Variants in LMNTD1 observed in about 807,000 individuals in gnomAD.
The protein encoded by LMNTD1 is lamin tail domain-containing protein 1.
In LMNTD1, 35 loss-of-function variants were observed where a neutral mutation model predicts 50.9. The observed-to-expected ratio is 0.69, with a 90% CI of 0.53 to 0.91. The LOEUF (loss-of-function observed/expected upper bound fraction) is 0.91. Among genes scored for constraint, LMNTD1 ranks in the 40% least tolerant of loss-of-function variants. The pLI is 0.00. For synonymous variants in LMNTD1, 153 were observed against 161.9 expected (o/e 0.94, Z 0.42); for missense variants, 470 against 475.5 (o/e 0.99, Z 0.11).
chr12:25,618,388 G>A (rs928017537), intron 1 of LMNTD1, among the ~76,000 whole-genome samples: 41 of 152,294 alleles, frequency 2.7e-4, no homozygotes, highest in African/African-American at 9.6e-4. Context: ...ACTCACTCAG[G>A]TGAAAGAAAA....
chr12:25,543,557 T>G (rs982918210), intron 4 of LMNTD1, among the ~76,000 whole-genome samples: 10 of 152,040 alleles, frequency 6.6e-5, no homozygotes, highest in Admixed American at 2.6e-4. Context: ...TGTTTGTTGA[T>G]CTATATTTTT....
At chr12:25,476,881 A>G (rs1024546436) in intron 9 of LMNTD1, among the ~76,000 whole-genome samples, 2 of 152,214 alleles carry the variant, frequency 1.3e-5, no homozygotes, top group Non-Finnish European at 2.9e-5. Context: ...ATTTACAGAA[A>G]TAATTTTTTA....
chr12:25,615,760 C>T (rs1048933624), intron 1 of LMNTD1, among the ~76,000 whole-genome samples: 6 of 152,082 alleles, frequency 3.9e-5, no homozygotes, highest in African/African-American at 1.4e-4. Context: ...GGCGCCCAGC[C>T]TAGTGTCATA....
chr12:25,521,947 C>T (rs1319276720), intron 6 of LMNTD1, among the ~76,000 whole-genome samples: 1 of 152,206 alleles, frequency 6.6e-6, no homozygotes, highest in Non-Finnish European at 1.5e-5. Context: ...TGTATAGACA[C>T]TAACAGTTAT....
intron 4 of LMNTD1, among the ~76,000 whole-genome samples, chr12:25,534,412 G>A (rs1305573439): frequency 6.6e-6 from 1 of 152,182 alleles, no homozygotes; most frequent in Non-Finnish European, 1.5e-5. Context: ...GAAATGTAGT[G>A]AGACTTAAAA....
intron 4 of LMNTD1, among the ~76,000 whole-genome samples, chr12:25,529,725 A>G (rs1240490024): frequency 6.6e-6 from 1 of 152,118 alleles, no homozygotes; most frequent in East Asian, 1.9e-4. Context: ...TTGCTTCCAG[A>G]GCAATCTTTG....
At chr12:25,642,594 T>A (rs377161428) in intron 1 of LMNTD1, among the ~76,000 whole-genome samples, 11 of 152,368 alleles carry the variant, frequency 7.2e-5, no homozygotes, top group African/African-American at 2.6e-4. Context: ...TCTTTGGTCA[T>A]CTCTGCTTTA....
At chr12:25,513,352 AAAC>A (rs1940463173) in intron 8 of LMNTD1, among the ~76,000 whole-genome samples, 1 of 152,208 alleles carries the variant, frequency 6.6e-6, no homozygotes, top group African/African-American at 2.4e-5. Flanking sequence ...AGAGGGGAAA[AAAC>A]AACCCATGTG....
chr12:25,637,672 A>T (rs1946864087), intron 1 of LMNTD1, among the ~76,000 whole-genome samples: 2 of 152,138 alleles, frequency 1.3e-5, no homozygotes, highest in African/African-American at 4.8e-5. Context: ...AAGTCATATT[A>T]TATTCAATAT....
chr12:25,620,404 A>AAG (rs1946446102), intron 1 of LMNTD1, among the ~76,000 whole-genome samples: 1 of 152,016 alleles, frequency 6.6e-6, no homozygotes, highest in African/African-American at 2.4e-5. Context: ...AGTATTTTAA[A>AAG]TATATAATTT....
chr12:25,619,252 C>CTCTCTCTCTCTCTATATATATA (rs1374134268), intron 1 of LMNTD1, among the ~76,000 whole-genome samples: 3 of 84,446 alleles, frequency 3.6e-5, no homozygotes, highest in East Asian at 4.2e-4. Context: ...CTCTCTCTCT[C>CTCTCTCTCTCTCTATATATATA]TATATATATA....
chr12:25,537,421 C>T lies in LMNTD1; in HGVS notation c.491+8953G>A, dbSNP rs563807596. Reference sequence around the variant, plus strand: ...CTTAAGTGGGTCCCTGACCCCTGACCCCCAAGCAGCCTAACTGGGAGGCAC... The same window carrying T: ...CTTAAGTGGGTCCCTGACCCCTGACTCCCAAGCAGCCTAACTGGGAGGCAC... On this transcript the variant is annotated intron_variant, in intron 4 of 9. Coordinates refer to ENST00000458174, the MANE Select transcript of LMNTD1 (RefSeq NM_001145728.2). Among the ~76,000 whole-genome samples the T allele has an allele frequency of 1.4e-4, 21 of 152,316 alleles. 1 individual carries two copies. In the South Asian group the frequency reaches 4.1e-3, roughly 30 times the overall value.
chr12:25,546,106 T>G (rs1445805581), intron 4 of LMNTD1, among the ~76,000 whole-genome samples: 1 of 151,696 alleles, frequency 6.6e-6, no homozygotes, highest in Non-Finnish European at 1.5e-5. Flanking sequence ...AAAAGTGCCT[T>G]GAATAATTGA....
At chr12:25,571,172 T>C (rs1944773795) in intron 1 of LMNTD1, among the ~76,000 whole-genome samples, 1 of 152,190 alleles carries the variant, frequency 6.6e-6, no homozygotes, top group Admixed American at 6.5e-5. Flanking sequence ...CCCCTTAGGA[T>C]AGGAGACAAA....
chr12:25,551,383 T>TTTTTC (rs141293871), intron 2 of LMNTD1, among the ~76,000 whole-genome samples: 17,449 of 151,830 alleles, frequency 0.11, 1,040 homozygotes, highest in East Asian at 0.2. Flanking sequence ...ATAAGAAATT[T>TTTTTC]TTTTCTTTTC....
intron 1 of LMNTD1, among the ~76,000 whole-genome samples, chr12:25,572,800 A>C (rs978230961): frequency 3.4e-4 from 51 of 150,110 alleles, no homozygotes; most frequent in African/African-American, 8.6e-4. Flanking sequence ...CCATCCCTCC[A>C]TCCCTCCCTC....
intron 1 of LMNTD1, among the ~76,000 whole-genome samples, chr12:25,640,843 T>A (rs1946947061): frequency 6.6e-6 from 1 of 152,038 alleles, no homozygotes; most frequent in African/African-American, 2.4e-5. Flanking sequence ...TTTTTTTGTA[T>A]TTTTTAGCAG....
At chr12:25,540,912 A>G (rs1008383477) in intron 4 of LMNTD1, among the ~76,000 whole-genome samples, 2 of 135,830 alleles carry the variant, frequency 1.5e-5, no homozygotes, top group African/African-American at 5.3e-5. Context: ...AAAAATCACA[A>G]GCATTCCTAT....
At chr12:25,643,887 A>G (rs1490250004) in intron 1 of LMNTD1, among the ~76,000 whole-genome samples, 2 of 152,218 alleles carry the variant, frequency 1.3e-5, no homozygotes, top group Admixed American at 6.5e-5. Context: ...GCTGACATTT[A>G]TGGTCAGGAA....
Sources: allele counts gnomAD v4.1 joint callset (sites outside exome capture counted in the v4.1 genomes callset), GRCh38; gene constraint gnomAD v4.1.1; transcripts MANE v1.5; gene names NCBI Gene and HGNC (gene_info 2026-07-23, HGNC 2026-07-21).